FDXR: variants seen among roughly 807,000 people sequenced by gnomAD.
The protein encoded by FDXR is NADPH:adrenodoxin oxidoreductase, mitochondrial.
A neutral mutation model predicts 58.3 loss-of-function variants in FDXR; 38 were observed. The observed-to-expected ratio is 0.65, with a 90% CI of 0.50 to 0.85. FDXR has a LOEUF of 0.85. FDXR is among the 40% of genes least tolerant of loss of function. FDXR has a pLI of 0.00. For synonymous variants in FDXR, 275 were observed against 273.8 expected (o/e 1.00, Z -0.04); for missense variants, 624 against 671.0 (o/e 0.93, Z 0.77).
At chr17:74,869,279 A>C (rs2038294901) in intron 2 of FDXR, among the ~76,000 whole-genome samples, 1 of 152,154 alleles carries the variant, frequency 6.6e-6, no homozygotes, top group South Asian at 2.1e-4. Flanking sequence ...CCAGCCACAG[A>C]GTTTGATTAG....
chr17:74,870,536 A>AAC (rs1235747530), intron 2 of FDXR, among the ~76,000 whole-genome samples: 1 of 149,780 alleles, frequency 6.7e-6, no homozygotes, highest in African/African-American at 2.5e-5. Flanking sequence ...AAAAAAAAAA[A>AAC]AAGAACACTG....
At chr17:74,872,780 C>A in intron 1 of FDXR, 86 bp downstream of exon 1, 1 of 1,537,872 alleles carries the variant, frequency 6.5e-7, no homozygotes. Context: ...CTTCTCCAGC[C>A]CTGCCCCAGC....
rs1159389494 is a variant in FDXR, at chr17:74,866,542, C to T, written c.297G>A (p.Thr99=). ...VKNVINTFTQ[T]AHSGRCAFWG... ...AGAAGGCACAGCGGCCAGAATGGGCCGTCTGGGTAAATGTGTTGATGACAT... is the reference window on the plus strand; with the variant it reads ...AGAAGGCACAGCGGCCAGAATGGGCTGTCTGGGTAAATGTGTTGATGACAT... The change falls in exon 4 of 12, where the codon ACG becomes ACA. Residue 99 remains threonine, a synonymous_variant. Transcript: ENST00000293195. 5.6e-6 allele frequency: 9 copies of T among 1,613,654 alleles called. No individual in the cohort carries two copies. The highest frequency in any genetic ancestry group is 3.3e-4 in the Middle Eastern group (2 of 6,062).
chr17:74,862,569 TG>T lies in FDXR; in HGVS notation c.*247del. 1 of 482,598 alleles carries T rather than the reference TG, an allele frequency of 2.1e-6. No homozygotes were observed. The highest frequency in any genetic ancestry group is 3.3e-5 in the East Asian group (1 of 30,710). 29.9% of individuals were successfully genotyped at this position (482,598 alleles called of 1,614,324 possible). On this transcript the variant is annotated 3_prime_UTR_variant, in exon 12 of 12. Coordinates refer to ENST00000293195, the MANE Select transcript of FDXR (RefSeq NM_024417.5). Reference sequence around the variant, plus strand: ...CCTCCACAGTCCAGCAGTAGAGAGATGGGTAAGGGGTTAGATCGGCCCACAC... The same window carrying T: ...CCTCCACAGTCCAGCAGTAGAGAGATGGTAAGGGGTTAGATCGGCCCACAC...
At chr17:74,867,356 A>T (rs920597794) in intron 2 of FDXR, among the ~76,000 whole-genome samples, 2 of 146,506 alleles carry the variant, frequency 1.4e-5, no homozygotes, top group Non-Finnish European at 3.0e-5. Flanking sequence ...CGGCCCTCAG[A>T]GATGGGGAGA....
At position 74,864,195 on chromosome 17, in the gene FDXR, C is replaced by T; in HGVS notation, c.955G>A (p.Asp319Asn). The T allele has an allele frequency of 6.2e-7, 1 of 1,612,670 alleles. No homozygotes were observed. The highest frequency in any genetic ancestry group is 1.3e-5 in the African/African-American group (1 of 75,062). ...CGGACACCTGCTGCCCGCCGCCCAT[C>T]TGGTGAGGGCAGCACCTGCTGGGGG... is the stretch of plus-strand genomic sequence containing the variant. ...RSPQQVLPSP[D>N]GRRAAGVRLA... The change falls in exon 9 of 12, where the codon GAT becomes AAT. Residue 319 changes from aspartate to asparagine, a missense_variant. Transcript: ENST00000293195.
Position 74,864,949 on chromosome 17 carries a change from C to T in FDXR, c.610-18G>A. 1 of 1,614,094 alleles carries T rather than the reference C, an allele frequency of 6.2e-7. No homozygotes were observed. The highest frequency in any genetic ancestry group is 8.5e-7 in the Non-Finnish European group (1 of 1,179,992). On this transcript the variant is annotated intron_variant, in intron 6 of 11. Transcript: ENST00000293195. ...TCCGTTCTCTGGCACAAAAGGAGGG[C>T]CTTGGAGTCATCAGACACTGACCGA...
intron 1 of FDXR, 158 bp from the exon 2 acceptor site, chr17:74,872,291 T>C: frequency 1.3e-6 from 2 of 1,535,936 alleles, no homozygotes; most frequent in African/African-American, 2.7e-5. Context: ...TTGCAGGGTC[T>C]CTTACTTCAT....
At chr17:74,871,681 G>A (rs1176131125) in intron 2 of FDXR, among the ~76,000 whole-genome samples, 1 of 152,208 alleles carries the variant, frequency 6.6e-6, no homozygotes, top group African/African-American at 2.4e-5. Context: ...TCGAGATGTA[G>A]GATGTTTGGG....
Position 74,862,660 on chromosome 17 carries a change from T to TC in FDXR, c.*156dup. The stretch of plus-strand genomic sequence containing the variant: ...AAAACCTTGCGCGCAAGGGCGACCT[T>TC]CCCCAGGAGGGAGGAGAGACGCTGG... On this transcript the variant is annotated 3_prime_UTR_variant, in exon 12 of 12. Transcript: ENST00000293195. The TC allele has an allele frequency of 3.7e-6, 4 of 1,072,684 alleles. No homozygotes were observed. Among genetic ancestry groups the TC allele is most frequent in the Non-Finnish European group, 5.2e-6 (4 of 768,338 alleles). The allele number at this position is 1,072,684 out of a possible 1,614,324, so 66.4% of individuals were successfully genotyped here.
chr17:74,870,804 T>C (rs910239731), intron 2 of FDXR, among the ~76,000 whole-genome samples: 1 of 135,414 alleles, frequency 7.4e-6, no homozygotes, highest in Non-Finnish European at 1.5e-5. Context: ...TCTCTTTTTT[T>C]TTTTTTTTTT....
At chr17:74,869,381 G>A (rs1399677215) in intron 2 of FDXR, among the ~76,000 whole-genome samples, 1 of 152,146 alleles carries the variant, frequency 6.6e-6, no homozygotes, top group Non-Finnish European at 1.5e-5. Context: ...ACCTCCCAGC[G>A]AAACCTGCCT....
At chr17:74,872,223 T>C in intron 1 of FDXR, 90 bp from the exon 2 acceptor site, 1 of 1,550,252 alleles carries the variant, frequency 6.5e-7, no homozygotes. Flanking sequence ...AAGCTGGAAC[T>C]TCCCAAGCTT....
intron 1 of FDXR, 122 bp from the exon 2 acceptor site, chr17:74,872,255 T>C: frequency 6.5e-7 from 1 of 1,540,910 alleles, no homozygotes; most frequent in Non-Finnish European, 8.7e-7. Context: ...GCATCCTCCT[T>C]CTCTTGTTCC....
In FDXR at chr17:74,863,265, AG is replaced by A. The variant is rs1262424104; in HGVS notation, c.1175-20del. ...TAGAGGCCTGAGAGGGGGTAACAAA[AG>A]GGGAAGGGAGGGAGGTGGCTGGATA... On this transcript the variant is annotated intron_variant, in intron 10 of 11. Coordinates refer to ENST00000293195, the MANE Select transcript of FDXR (RefSeq NM_024417.5). 16 of 1,602,740 alleles carry A rather than the reference AG, an allele frequency of 1.0e-5. No homozygotes were observed. Among genetic ancestry groups the A allele is most frequent in the African/African-American group, 2.7e-5 (2 of 74,776 alleles).
Position 74,863,171 on chromosome 17 carries a change from G to A in FDXR, c.1250C>T (p.Thr417Ile). 1 of 1,613,920 alleles carries A rather than the reference G, an allele frequency of 6.2e-7. No individual in the cohort carries two copies. Among genetic ancestry groups the A allele is most frequent in the Non-Finnish European group, 8.5e-7 (1 of 1,179,988 alleles). Reference sequence around the variant, plus strand: ...CAGGTCCTGCAGCAGCATCTGGCCGGTGAGGAAGCTGTCAGTCATGGTTGT... The same window carrying A: ...CAGGTCCTGCAGCAGCATCTGGCCGATGAGGAAGCTGTCAGTCATGGTTGT... The part of the protein sequence containing the change: ...IATTMTDSFL[T>I]GQMLLQDLKA... The change falls in exon 11 of 12, where the codon ACC (threonine) becomes ATC (isoleucine). Residue 417 changes from threonine (T) to isoleucine (I), a missense_variant. Physicochemically the swap from Thr to Ile is moderately conservative, Grantham distance 89 (BLOSUM62 -1). Transcript: ENST00000293195.
chr17:74,866,673 G>A, intron 3 of FDXR, 105 bp from the exon 4 acceptor site: 1 of 1,590,214 alleles, frequency 6.3e-7, no homozygotes, highest in Non-Finnish European at 8.6e-7. Context: ...GAAGCTGGGT[G>A]GCATGGGCAC....
intron 2 of FDXR, chr17:74,870,147 T>C: frequency 6.4e-6 from 2 of 312,582 alleles, no homozygotes; most frequent in South Asian, 4.7e-5. Context: ...GGATTGTACC[T>C]GGCCTGAGCC....
chr17:74,872,984 T>G lies in FDXR; in HGVS notation c.-40A>C, dbSNP rs762886484. The G allele has an allele frequency of 8.5e-6, 13 of 1,529,364 alleles. No individual in the cohort carries two copies. Among genetic ancestry groups the G allele is most frequent in the African/African-American group, 2.8e-5 (2 of 72,656 alleles). 94.7% of individuals were successfully genotyped at this position (1,529,364 alleles called of 1,614,324 possible). On this transcript the variant is annotated 5_prime_UTR_variant, in exon 1 of 12. Coordinates refer to ENST00000293195, the MANE Select transcript of FDXR (RefSeq NM_024417.5). The stretch of plus-strand genomic sequence containing the variant: ...ACCTGCAAGTGGATCTGTTCCTAGC[T>G]ACTGCTCCGCAGGGCAAGCCCGCTC...
Sources: allele counts gnomAD v4.1 joint callset (sites outside exome capture counted in the v4.1 genomes callset), GRCh38; gene constraint gnomAD v4.1.1; transcripts MANE v1.5; gene names NCBI Gene and HGNC (gene_info 2026-07-23, HGNC 2026-07-21).